The following FSTL5 variants were observed in gnomAD, a reference collection of about 807,000 sequenced individuals.
The protein encoded by FSTL5 is follistatin-related protein 5.
In FSTL5, 62 loss-of-function variants were observed where a neutral mutation model predicts 89.1. The ratio of observed to expected loss-of-function variants is 0.70; its 90% CI spans 0.57 to 0.86. FSTL5 has a LOEUF of 0.86. Among genes scored for constraint, FSTL5 ranks in the 40% least tolerant of loss-of-function variants. The pLI is 0.00. For synonymous variants in FSTL5, 383 were observed against 346.2 expected (o/e 1.11, Z -1.18); for missense variants, 1,057 against 1,001.6 (o/e 1.06, Z -0.75).
At chr4:161,951,495 GTCACTTCTCTGTCTTTTTA>G (rs1339762328) in intron 3 of FSTL5, among the ~76,000 whole-genome samples, 1 of 151,974 alleles carries the variant, frequency 6.6e-6, no homozygotes, top group African/African-American at 2.4e-5. Flanking sequence ...CAATGATATA[GTCACTTCTCTGTCTTTTTA>G]TCATTATTAG....
chr4:161,653,597 A>G (rs1053144529), intron 7 of FSTL5, among the ~76,000 whole-genome samples: 16 of 152,280 alleles, frequency 1.1e-4, no homozygotes, highest in African/African-American at 3.8e-4. Context: ...TCCATTAGAC[A>G]GTGCTGAAAA....
At chr4:161,981,591 T>C (rs778342648) in intron 3 of FSTL5, among the ~76,000 whole-genome samples, 49 of 152,158 alleles carry the variant, frequency 3.2e-4, no homozygotes, top group South Asian at 8.3e-4. Flanking sequence ...GATAAGGGCA[T>C]TATACTTTCT....
At chr4:161,556,470 A>T (rs1184764002) in intron 8 of FSTL5, among the ~76,000 whole-genome samples, 2 of 151,514 alleles carry the variant, frequency 1.3e-5, no homozygotes, top group Non-Finnish European at 3.0e-5. Context: ...ATTACTCAAG[A>T]CGAAGATTTT....
intron 6 of FSTL5, among the ~76,000 whole-genome samples, chr4:161,737,430 G>A (rs1393183864): frequency 2.0e-5 from 3 of 151,970 alleles, no homozygotes; most frequent in African/African-American, 7.2e-5. Flanking sequence ...TGGGGAAGAA[G>A]ACCACATAGT....
chr4:162,005,036 G>A (rs1356690523), intron 3 of FSTL5, among the ~76,000 whole-genome samples: 1 of 152,142 alleles, frequency 6.6e-6, no homozygotes, highest in Non-Finnish European at 1.5e-5. Flanking sequence ...TAGCCTGCCA[G>A]ATGCTGTGTC....
At chr4:161,641,259 A>G (rs1037147636) in intron 7 of FSTL5, among the ~76,000 whole-genome samples, 2 of 152,180 alleles carry the variant, frequency 1.3e-5, no homozygotes, top group African/African-American at 4.8e-5. Flanking sequence ...CCACTTTTTA[A>G]TTTCTACATG....
chr4:161,759,777 A>T (rs1229574092), intron 5 of FSTL5, among the ~76,000 whole-genome samples: 1 of 152,200 alleles, frequency 6.6e-6, no homozygotes, highest in African/African-American at 2.4e-5. Context: ...TAAAAGTTTC[A>T]CAGTGGAACT....
intron 1 of FSTL5, among the ~76,000 whole-genome samples, chr4:162,133,043 C>T (rs548683596): frequency 6.6e-6 from 1 of 152,262 alleles, no homozygotes; most frequent in African/African-American, 2.4e-5. Context: ...CCTGGGTTCA[C>T]GCCCTTCTCC....
At chr4:161,595,138 TTA>T (rs1733968043) in intron 7 of FSTL5, among the ~76,000 whole-genome samples, 2 of 152,092 alleles carry the variant, frequency 1.3e-5, no homozygotes, top group African/African-American at 4.8e-5. Context: ...TTGAGTTTTG[TTA>T]TATGTATAAA....
At chr4:161,831,351 C>T (rs145675741) in intron 4 of FSTL5, among the ~76,000 whole-genome samples, 2 of 151,662 alleles carry the variant, frequency 1.3e-5, no homozygotes, top group East Asian at 3.9e-4. Context: ...ATGAAACATA[C>T]CTCTAATTAC....
chr4:161,494,853 A>G (rs2126475615), intron 12 of FSTL5, among the ~76,000 whole-genome samples: 1 of 152,238 alleles, frequency 6.6e-6, no homozygotes, highest in East Asian at 1.9e-4. Context: ...TGAGCCCAGG[A>G]ATTAGAGACT....
chr4:161,761,195 A>T (rs1360801689), intron 5 of FSTL5, among the ~76,000 whole-genome samples: 1 of 152,196 alleles, frequency 6.6e-6, no homozygotes, highest in Non-Finnish European at 1.5e-5. Context: ...ACTTTTGCAC[A>T]GTCCAGCTGG....
chr4:162,007,279 C>T (rs564680030), intron 3 of FSTL5, among the ~76,000 whole-genome samples: 1 of 151,772 alleles, frequency 6.6e-6, no homozygotes, highest in Non-Finnish European at 1.5e-5. Context: ...GTTATTTATG[C>T]CAAAGGAGAT....
intron 1 of FSTL5, among the ~76,000 whole-genome samples, chr4:162,147,710 T>C (rs1166425061): frequency 6.6e-6 from 1 of 152,198 alleles, no homozygotes; most frequent in Non-Finnish European, 1.5e-5. Flanking sequence ...TATTCATTTG[T>C]ATCTATAAAA....
chr4:161,983,873 T>C (rs147915380), intron 3 of FSTL5, among the ~76,000 whole-genome samples: 90 of 152,242 alleles, frequency 5.9e-4, no homozygotes, highest in African/African-American at 2.1e-3. Context: ...TGGTTTCCAA[T>C]GTTGAATTTC....
intron 4 of FSTL5, among the ~76,000 whole-genome samples, chr4:161,782,067 C>T (rs2164129): frequency 0.73 from 111,504 of 151,964 alleles, 40,953 homozygotes; most frequent in Non-Finnish European, 0.76. Context: ...TTTTCATGAC[C>T]TGATAGCTCA....
chr4:162,128,929 T>C (rs1579050366), intron 1 of FSTL5, among the ~76,000 whole-genome samples: 1 of 151,890 alleles, frequency 6.6e-6, no homozygotes, highest in Non-Finnish European at 1.5e-5. Flanking sequence ...ACTTTTTTTT[T>C]TTTTTTTTTG....
chr4:161,412,595 T>C (rs140158094), intron 15 of FSTL5, among the ~76,000 whole-genome samples: 154 of 152,186 alleles, frequency 1.0e-3, no homozygotes, highest in African/African-American at 3.5e-3. Flanking sequence ...CACATGCATA[T>C]ATATGTAACA....
intron 2 of FSTL5, among the ~76,000 whole-genome samples, chr4:162,097,955 G>C (rs780832438): frequency 1.9e-4 from 29 of 151,810 alleles, no homozygotes; most frequent in Non-Finnish European, 3.4e-4. Context: ...TCCACTCCTA[G>C]TAGCGACCCA....
Sources: gnomAD v4.1 joint callset for allele counts (sites outside exome capture counted in the v4.1 genomes callset) on GRCh38, gnomAD v4.1.1 for gene constraint, MANE v1.5 for transcripts, NCBI Gene and HGNC (gene_info 2026-07-23, HGNC 2026-07-21) for gene names.